Variants in CHODL observed in about 807,000 individuals in gnomAD.
CHODL encodes the protein chondrolectin, also known as transmembrane protein MT75.
A neutral mutation model predicts 34.5 loss-of-function variants in CHODL; 29 were observed. The observed-to-expected ratio is 0.84, with a 90% CI of 0.63 to 1.15. The LOEUF (loss-of-function observed/expected upper bound fraction) is 1.15, where lower values mean the gene tolerates loss of function less well. Ranked by LOEUF, CHODL falls within the 50% of genes most tolerant of loss-of-function variation. CHODL has a pLI of 0.00. For synonymous variants in CHODL, 125 were observed against 116.1 expected (o/e 1.08, Z -0.49); for missense variants, 332 against 332.5 (o/e 1.00, Z 0.01).
At chr21:18,067,577 C>A (rs2064746958) in intron 2 of CHODL, among the ~76,000 whole-genome samples, 1 of 152,166 alleles carries the variant, frequency 6.6e-6, no homozygotes, top group Non-Finnish European at 1.5e-5. Context: ...TGAAAGAACA[C>A]CTTGATTTTT....
At chr21:17,926,857 C>A (rs930915775) in intron 1 of CHODL, among the ~76,000 whole-genome samples, 6 of 151,922 alleles carry the variant, frequency 3.9e-5, no homozygotes, top group Non-Finnish European at 8.8e-5. Context: ...AAAAAGAATA[C>A]TCTGGAACAT....
At chr21:18,161,547 A>G (rs1043446208) in intron 2 of CHODL, among the ~76,000 whole-genome samples, 1 of 152,150 alleles carries the variant, frequency 6.6e-6, no homozygotes, top group African/African-American at 2.4e-5. Context: ...GCCAAATGGA[A>G]CAACTTTTTG....
Position 18,086,156 on chromosome 21 carries a change from T to A in CHODL, c.-45+58185T>A, listed in dbSNP as rs577031034. Among the ~76,000 whole-genome samples, 75 of 151,594 alleles carry A rather than the reference T, an allele frequency of 4.9e-4. 1 individual carries two copies. The South Asian group carries it at 0.015, about 29-fold the overall frequency. On this transcript the variant is annotated intron_variant, in intron 2 of 6. Coordinates refer to the CHODL transcript ENST00000400127. ...CTGGTCTATAATTAAAGCTTTTGAA[T>A]GTCTTTTGTATTTCTTTCAATGAAT...
chr21:18,059,955 A>G (rs1221961089), intron 2 of CHODL, among the ~76,000 whole-genome samples: 3 of 151,982 alleles, frequency 2.0e-5, no homozygotes, highest in African/African-American at 7.2e-5. Context: ...TCTTCACCCC[A>G]CATTCCGTTC....
At chr21:18,152,191 T>C (rs1286536610) in intron 2 of CHODL, among the ~76,000 whole-genome samples, 6 of 152,204 alleles carry the variant, frequency 3.9e-5, no homozygotes, top group Admixed American at 3.9e-4. Flanking sequence ...ACCAGGGTTT[T>C]AGTCTGAACA....
intron 2 of CHODL, among the ~76,000 whole-genome samples, chr21:18,231,292 A>G (rs896036514): frequency 6.6e-6 from 1 of 152,184 alleles, no homozygotes; most frequent in Non-Finnish European, 1.5e-5. Context: ...TCATGAAATG[A>G]CACTGCTCAG....
Position 18,028,277 on chromosome 21 carries a change from C to CTTCCTT in CHODL, c.-45+306_-45+307insTTCCTT, listed in dbSNP as rs377144650. Among the ~76,000 whole-genome samples the CTTCCTT allele has an allele frequency of 3.4e-4, 34 of 98,996 alleles. 3 individuals are homozygous for CTTCCTT. The highest frequency in any genetic ancestry group is 1.1e-3 in the African/African-American group (26 of 24,682). The allele number at this position is 98,996 out of a possible 152,430, so 64.9% of individuals were successfully genotyped here. On this transcript the variant is annotated intron_variant, in intron 2 of 6. Transcript: ENST00000400127. ...CCTTTTCTTTTTCTTTTTCCTTTTC[C>CTTCCTT]CCTTCCTTCCTTCCTTCCTTCCTTC...
intron 2 of CHODL, among the ~76,000 whole-genome samples, chr21:18,198,585 A>T (rs1438564469): frequency 6.6e-6 from 1 of 152,174 alleles, no homozygotes; most frequent in Non-Finnish European, 1.5e-5. Flanking sequence ...ACTCCCAAAG[A>T]GCAGAATTTC....
intron 2 of CHODL, among the ~76,000 whole-genome samples, chr21:18,058,997 T>C (rs1189095981): frequency 2.6e-5 from 4 of 152,186 alleles, no homozygotes; most frequent in Admixed American, 6.5e-5. Flanking sequence ...CCTGGTGTTA[T>C]GGACTAAATT....
chr21:17,934,044 G>GAAA (rs560435565), intron 1 of CHODL, among the ~76,000 whole-genome samples: 15 of 123,744 alleles, frequency 1.2e-4, no homozygotes, highest in African/African-American at 3.6e-4. Context: ...TCTCAAAAAA[G>GAAA]AAAAAAAAAA....
chr21:17,976,627 C>T (rs1382125475), intron 1 of CHODL, among the ~76,000 whole-genome samples: 1 of 152,182 alleles, frequency 6.6e-6, no homozygotes, highest in Non-Finnish European at 1.5e-5. Context: ...ACACTTGACA[C>T]TGTAATCTTC....
At position 18,197,054 on chromosome 21, in the gene CHODL, T is replaced by A. The variant is rs1286035519; in HGVS notation, c.-44-59455T>A. ...ATTAATATGTTAGGTAGCTTGATCA[T>A]AGTAATAATTTCACAATGTATATGT... is the stretch of plus-strand genomic sequence containing the variant. On this transcript the variant is annotated intron_variant, in intron 2 of 6. Transcript: ENST00000400127. 2.0e-5 allele frequency among the ~76,000 whole-genome samples: 3 copies of A among 152,318 alleles called. No homozygotes were observed. In the East Asian group the frequency reaches 5.8e-4, roughly 29 times the overall value.
Position 18,236,895 on chromosome 21 carries a change from T to A in CHODL, c.-44-19614T>A, listed in dbSNP as rs75823765. On this transcript the variant is annotated intron_variant, in intron 2 of 6. Coordinates refer to the CHODL transcript ENST00000400127. ...ATCTTAAAAATCAAAAAGTCACTTA[T>A]TGACTTCCTAGTGTGCAAGACACTG... 2.6e-4 allele frequency among the ~76,000 whole-genome samples: 40 copies of A among 152,236 alleles called. 1 individual carries two copies. In the East Asian group the frequency reaches 7.7e-3, roughly 29 times the overall value.
At chr21:18,236,822 A>G (rs1472776820) in intron 2 of CHODL, among the ~76,000 whole-genome samples, 1 of 152,110 alleles carries the variant, frequency 6.6e-6, no homozygotes, top group African/African-American at 2.4e-5. Flanking sequence ...TTTTATTAAC[A>G]GATAGATAAA....
intron 2 of CHODL, among the ~76,000 whole-genome samples, chr21:18,061,666 A>G (rs2064667514): frequency 2.6e-5 from 4 of 152,216 alleles, no homozygotes; most frequent in Admixed American, 2.6e-4. Flanking sequence ...ATGGGAGGAA[A>G]ACAGAGGGAA....
chr21:17,998,924 T>C (rs887578579), intron 1 of CHODL, among the ~76,000 whole-genome samples: 2 of 152,230 alleles, frequency 1.3e-5, no homozygotes, highest in Non-Finnish European at 2.9e-5. Flanking sequence ...TCCTTGCTAC[T>C]TATGCAAATT....
rs1192724586 is a variant in CHODL, at chr21:18,199,653, A to G, written c.-44-56856A>G. Among the ~76,000 whole-genome samples the G allele has an allele frequency of 2.6e-5, 4 of 152,214 alleles. No homozygotes were observed. The East Asian group carries it at 7.7e-4, about 29-fold the overall frequency. On this transcript the variant is annotated intron_variant, in intron 2 of 6. Transcript: ENST00000400127. ...ATCCTAAATCTCTGCCAATCACTGA[A>G]CTTTTTCCTATAACTATGGTTTTGT...
At chr21:18,129,892 C>CTGTGTGTG (rs150557806) in intron 2 of CHODL, among the ~76,000 whole-genome samples, 103 of 140,702 alleles carry the variant, frequency 7.3e-4, no homozygotes, top group African/African-American at 2.4e-3. Flanking sequence ...CTGTCTTTCT[C>CTGTGTGTG]TGTGTGTGTG....
At chr21:18,242,433 A>G (rs1013600183), upstream of CHODL, among the ~76,000 whole-genome samples, 5 of 139,048 alleles carry the variant, frequency 3.6e-5, no homozygotes, top group East Asian at 7.7e-4. Context: ...ATTGTATGGG[A>G]AAAAAAAGGA....
Sources: gnomAD v4.1 joint callset for allele counts (sites outside exome capture counted in the v4.1 genomes callset) on GRCh38, gnomAD v4.1.1 for gene constraint, MANE v1.5 for transcripts, NCBI Gene and HGNC (gene_info 2026-07-23, HGNC 2026-07-21) for gene names.